Variants in MAF observed in about 807,000 individuals in gnomAD.
The protein encoded by MAF is transcription factor Maf.
Under a neutral mutation model 22.0 loss-of-function variants are expected in MAF, and 10 were observed. That is an observed-to-expected ratio of 0.45 (90% CI 0.28 to 0.77). The LOEUF (loss-of-function observed/expected upper bound fraction) is 0.77. MAF is among the 30% of genes least tolerant of loss of function. MAF has a pLI of 0.12. For synonymous variants in MAF, 337 were observed against 255.8 expected (o/e 1.32, Z -3.03); for missense variants, 544 against 548.4 (o/e 0.99, Z 0.08).
At chr16:79,357,084 C>G in the MAF span, among the ~76,000 whole-genome samples, 6,997 of 152,188 alleles carry the variant, frequency 0.046, 500 homozygotes, top group African/African-American at 0.16. Context: ...TGGTGAAACC[C>G]CATCTCTACT....
the MAF span, among the ~76,000 whole-genome samples, chr16:79,496,512 CAGCTGCTACT>C: frequency 1.3e-5 from 2 of 152,196 alleles, no homozygotes; most frequent in East Asian, 1.9e-4. Context: ...TCTGTTATCA[CAGCTGCTACT>C]AGAAATTCCC....
chr16:79,424,470 C>T, the MAF span, among the ~76,000 whole-genome samples: 2 of 152,236 alleles, frequency 1.3e-5, no homozygotes, highest in Middle Eastern at 3.4e-3. Flanking sequence ...GATCCCCCTC[C>T]TTGATTAAAA....
chr16:79,506,636 T>C, the MAF span, among the ~76,000 whole-genome samples: 1 of 152,200 alleles, frequency 6.6e-6, no homozygotes, highest in South Asian at 2.1e-4. Flanking sequence ...GGCAGTATTT[T>C]ACTTTTCACA....
chr16:79,204,437 A>T, the MAF span: 1 of 152,174 alleles, frequency 6.6e-6, no homozygotes, highest in Non-Finnish European at 1.5e-5. Context: ...TAACCCCAGC[A>T]AAGCATGTCT....
chr16:79,500,453 C>T, the MAF span, among the ~76,000 whole-genome samples: 5 of 152,160 alleles, frequency 3.3e-5, no homozygotes, highest in Admixed American at 2.0e-4. Flanking sequence ...TCTGCAGAAG[C>T]GCAGACACCA....
At chr16:79,515,731 C>T in the MAF span, among the ~76,000 whole-genome samples, 17 of 152,254 alleles carry the variant, frequency 1.1e-4, no homozygotes, top group African/African-American at 3.6e-4. Flanking sequence ...GAACGTGAGA[C>T]CTGCCTTGAC....
chr16:79,447,326 C>G, the MAF span, among the ~76,000 whole-genome samples: 1 of 136,702 alleles, frequency 7.3e-6, no homozygotes, highest in African/African-American at 3.0e-5. Context: ...TTAAGACCTA[C>G]TGCTCAAAAA....
At chr16:79,577,197 C>T in the MAF span, among the ~76,000 whole-genome samples, 1 of 152,100 alleles carries the variant, frequency 6.6e-6, no homozygotes, top group Non-Finnish European at 1.5e-5. Flanking sequence ...CAGCTCCAGC[C>T]TTGATACTAA....
the MAF span, among the ~76,000 whole-genome samples, chr16:79,257,032 C>T: frequency 2.0e-5 from 3 of 151,924 alleles, no homozygotes; most frequent in Non-Finnish European, 4.4e-5. Context: ...CAAAAATTAG[C>T]CAGGTATGGT....
the MAF span, among the ~76,000 whole-genome samples, chr16:79,364,721 C>T: frequency 3.3e-5 from 5 of 152,288 alleles, no homozygotes; most frequent in East Asian, 1.9e-4. Context: ...GAAGTGCTGA[C>T]GTAATTACCT....
chr16:79,495,005 A>C, the MAF span, among the ~76,000 whole-genome samples: 1 of 152,218 alleles, frequency 6.6e-6, no homozygotes, highest in Non-Finnish European at 1.5e-5. Flanking sequence ...TATGGTGAGT[A>C]GGGTATGGAG....
the MAF span, among the ~76,000 whole-genome samples, chr16:79,365,994 C>T: frequency 6.6e-6 from 1 of 152,230 alleles, no homozygotes; most frequent in Non-Finnish European, 1.5e-5. Flanking sequence ...AAATGACATA[C>T]ATTTTTGCAA....
At chr16:79,411,958 A>G in the MAF span, among the ~76,000 whole-genome samples, 2 of 152,202 alleles carry the variant, frequency 1.3e-5, no homozygotes, top group African/African-American at 2.4e-5. Context: ...TGAAAGCTCC[A>G]TAAGTGGCAG....
At chr16:79,575,017 T>G in the MAF span, among the ~76,000 whole-genome samples, 2 of 132,258 alleles carry the variant, frequency 1.5e-5, no homozygotes, top group Non-Finnish European at 3.3e-5. Flanking sequence ...TCAGAATCAC[T>G]GGGAATTTTT....
At chr16:79,534,447 G>A in the MAF span, among the ~76,000 whole-genome samples, 1 of 152,088 alleles carries the variant, frequency 6.6e-6, no homozygotes, top group Admixed American at 6.6e-5. Flanking sequence ...ATGCCCCAAA[G>A]CTAAGCACTC....
At chr16:79,411,640 G>T in the MAF span, among the ~76,000 whole-genome samples, 1 of 152,168 alleles carries the variant, frequency 6.6e-6, no homozygotes, top group Admixed American at 6.5e-5. Flanking sequence ...ACAAGATTTA[G>T]CTGTGTGATG....
chr16:79,502,145 C>T, the MAF span, among the ~76,000 whole-genome samples: 5 of 152,126 alleles, frequency 3.3e-5, no homozygotes, highest in Non-Finnish European at 7.3e-5. Flanking sequence ...AGCCCCTTGT[C>T]GTGACAGCCA....
chr16:79,507,241 G>A, the MAF span, among the ~76,000 whole-genome samples: 12 of 150,378 alleles, frequency 8.0e-5, no homozygotes, highest in African/African-American at 2.5e-4. Context: ...AGCCTCCCAA[G>A]TAGCTGGGAT....
At chr16:79,294,352 G>T in the MAF span, among the ~76,000 whole-genome samples, 2 of 152,162 alleles carry the variant, frequency 1.3e-5, no homozygotes, top group South Asian at 4.2e-4. Flanking sequence ...ATAAAAGACT[G>T]TTTCTTTGAT....
Sources: gnomAD v4.1 joint callset for allele counts (sites outside exome capture counted in the v4.1 genomes callset) on GRCh38, gnomAD v4.1.1 for gene constraint, MANE v1.5 for transcripts, NCBI Gene and HGNC (gene_info 2026-07-23, HGNC 2026-07-21) for gene names.